SYNPO2L: variants seen among roughly 807,000 people sequenced by gnomAD.
SYNPO2L encodes the protein synaptopodin 2 like.
A neutral mutation model predicts 47.5 loss-of-function variants in SYNPO2L; 34 were observed. The observed-to-expected ratio is 0.72, with a 90% CI of 0.54 to 0.95. The LOEUF is 0.95. SYNPO2L is among the 40% of genes least tolerant of loss of function. The pLI, the probability that SYNPO2L is intolerant of heterozygous loss-of-function variation, is 0.00. For synonymous variants in SYNPO2L, 536 were observed against 524.9 expected (o/e 1.02, Z -0.29); for missense variants, 1,246 against 1,282.0 (o/e 0.97, Z 0.43).
intron 3 of SYNPO2L, 78 bp from the exon 4 acceptor site, chr10:73,648,957 C>G: frequency 7.1e-7 from 1 of 1,413,362 alleles, no homozygotes. Context: ...CTTTCACCCC[C>G]CATCCCAGCA....
Position 73,653,284 on chromosome 10 carries a change from G to A in SYNPO2L, c.627C>T (p.Ala209=). Residue 209 remains alanine (A), a synonymous_variant, in exon 3 of 4, where the codon GCC becomes GCT. Transcript: ENST00000394810. ...GAGCCTCAGCTGGGGGTGGCTGAAG[G>A]GCTGCCCCATCCTCCCAAGACGGGG... ...VSSPSWEDGA[A]LQPPPAEALL... 1.3e-6 allele frequency: 2 copies of A among 1,550,790 alleles called. No homozygotes were observed. The highest frequency in any genetic ancestry group is 2.4e-5 in the East Asian group (1 of 40,924).
chr10:73,652,570 A>G (rs1336994846), intron 3 of SYNPO2L, among the ~76,000 whole-genome samples: 1 of 152,074 alleles, frequency 6.6e-6, no homozygotes, highest in African/African-American at 2.4e-5. Flanking sequence ...CTCGGGAGGC[A>G]GAGGCTGGAG....
chr10:73,646,809 G>T lies in SYNPO2L; in HGVS notation c.2843C>A (p.Ser948Tyr). 6.5e-7 allele frequency: 1 copy of T among 1,539,332 alleles called. No homozygotes were observed. Among genetic ancestry groups the T allele is most frequent in the Non-Finnish European group, 8.7e-7 (1 of 1,145,966 alleles). The change falls in exon 4 of 4, where the codon TCC becomes TAC. Residue 948 changes from serine (S) to tyrosine (Y), a missense_variant. Ser to Tyr is a moderately radical substitution (Grantham distance 144, BLOSUM62 -2). Transcript: ENST00000394810. Reference protein sequence around the residue: ...APRGLGASPSSCGFQVARPRF... With the variant: ...APRGLGASPSYCGFQVARPRF... Reference sequence around the variant, plus strand: ...GGGCCTGGCTACCTGGAAACCGCAGGAGCTGGGAGAAGCCCCAAGGCCCCT... The same window carrying T: ...GGGCCTGGCTACCTGGAAACCGCAGTAGCTGGGAGAAGCCCCAAGGCCCCT...
chr10:73,653,418 G>A lies in SYNPO2L; in HGVS notation c.493C>T (p.Pro165Ser), dbSNP rs1340778950. 2 of 1,551,474 alleles carry A rather than the reference G, an allele frequency of 1.3e-6. No homozygotes were observed. Among genetic ancestry groups the A allele is most frequent in the East Asian group, 2.4e-5 (1 of 40,916 alleles). Residue 165 changes from proline to serine, a missense_variant, in exon 3 of 4, where the codon CCC becomes TCC. Around this residue, in one of 3 missense-constraint regions of SYNPO2L, gnomAD observed 148 missense variants for 204.8 expected, o/e 0.72. Coordinates refer to ENST00000394810, the MANE Select transcript of SYNPO2L (RefSeq NM_001114133.3). The part of the protein sequence containing the change: ...RRPRRRGPTR[P>S]TPPGAPPDEV... Reference sequence around the variant, plus strand: ...TCAGGTGGGGCACCCGGAGGGGTGGGCCTTGTGGGGCCTCGGCGGCGAGGT... The same window carrying A: ...TCAGGTGGGGCACCCGGAGGGGTGGACCTTGTGGGGCCTCGGCGGCGAGGT...
At position 73,655,914 on chromosome 10, in the gene SYNPO2L, A is replaced by G. The variant is rs1165872770; in HGVS notation, c.9T>C (p.Ala3=). 1 of 1,550,520 alleles carries G rather than the reference A, an allele frequency of 6.4e-7. No individual in the cohort carries two copies. The highest frequency in any genetic ancestry group is 8.7e-7 in the Non-Finnish European group (1 of 1,146,576). Residue 3 remains alanine (A), a synonymous_variant, in exon 1 of 4, where the codon GCT becomes GCC. Transcript: ENST00000394810. The stretch of plus-strand genomic sequence containing the variant: ...ATAGTGTGACCAGCACCTCCTCCTC[A>G]GCACCCATCGCTCAGCTTGGCCTAT... The part of the protein sequence containing the change: MG[A]EEEVLVTLSG...
At position 73,647,936 on chromosome 10, in the gene SYNPO2L, G is replaced by C. The variant is rs756482053; in HGVS notation, c.1716C>G (p.Ser572Arg). The C allele has an allele frequency of 2.0e-6, 3 of 1,530,480 alleles. No homozygotes were observed. Among genetic ancestry groups the C allele is most frequent in the Non-Finnish European group, 2.6e-6 (3 of 1,141,964 alleles). 94.8% of individuals were successfully genotyped at this position (1,530,480 alleles called of 1,614,324 possible). A position where few individuals can be genotyped will look rare whatever the true frequency, so the allele number is the denominator to read the frequency against. ...GGAPEPPAPP[S>R]AAAMTSTASI... ...AAGCGGTGGAGGTCATGGCAGCTGC[G>C]CTAGGAGGAGCGGGGGGCTCTGGAG... The change falls in exon 4 of 4, where the codon AGC (serine) becomes AGG (arginine). Residue 572 changes from serine to arginine, a missense_variant. By Grantham distance (110) the Ser-to-Arg change is moderately radical. Coordinates refer to ENST00000394810, the MANE Select transcript of SYNPO2L (RefSeq NM_001114133.3).
rs772295733 is a variant in SYNPO2L, at chr10:73,647,539, T to C, written c.2113A>G (p.Thr705Ala). The C allele has an allele frequency of 6.3e-7, 1 of 1,592,978 alleles. No homozygotes were observed. The highest frequency in any genetic ancestry group is 8.6e-7 in the Non-Finnish European group (1 of 1,167,622). Residue 705 changes from threonine to alanine, a missense_variant, in exon 4 of 4, where the codon ACC (threonine) becomes GCC (alanine). Around this residue, in one of 3 missense-constraint regions of SYNPO2L, gnomAD observed 1,037 missense variants for 1,021.5 expected, o/e 1.02. Transcript: ENST00000394810. ...GTCTTGGGAGCCATTGGAGGGGGGG[T>C]CTTAGGTGTCACGTGAGGCAGGGTC... is the stretch of plus-strand genomic sequence containing the variant. ...YKTLPHVTPKTPPPMAPKTPP... is the reference protein window; with the variant it reads ...YKTLPHVTPKAPPPMAPKTPP...
rs1213495062 is a variant in SYNPO2L at position 73,648,493 on chromosome 10, C to G, written c.1159G>C (p.Gly387Arg). The G allele has an allele frequency of 6.2e-7, 1 of 1,613,586 alleles. No individual in the cohort carries two copies. The highest frequency in any genetic ancestry group is 1.7e-5 in the Admixed American group (1 of 60,024). Residue 387 changes from glycine to arginine, a missense_variant, in exon 4 of 4, where the codon GGG becomes CGG. By Grantham distance (125) the Gly-to-Arg change is moderately radical (BLOSUM62 -2). Coordinates refer to ENST00000394810, the MANE Select transcript of SYNPO2L (RefSeq NM_001114133.3). ...GGQLSEVSGR[G>R]VQLFEQQRQR... ...CGCTGCTGTTCAAAGAGCTGCACCC[C>G]TCGCCCAGAGACCTCACTCAGCTGC...
At position 73,648,209 on chromosome 10, in the gene SYNPO2L, A is replaced by C. The variant is rs1466423417; in HGVS notation, c.1443T>G (p.Thr481=). 5 of 1,577,300 alleles carry C rather than the reference A, an allele frequency of 3.2e-6. No individual in the cohort carries two copies. The highest frequency in any genetic ancestry group is 4.3e-6 in the Non-Finnish European group (5 of 1,163,792). ...FTPGLQGQRP[T]TTSVIFRPLA... is the part of the protein sequence containing the mutation. ...AAGGCCGGAAAATAACCGAGGTGGTAGTTGGCCGCTGCCCTTGTAGGCCCG... is the reference window on the plus strand; with the variant it reads ...AAGGCCGGAAAATAACCGAGGTGGTCGTTGGCCGCTGCCCTTGTAGGCCCG... The change falls in exon 4 of 4, where the codon ACT becomes ACG. Residue 481 remains threonine (T), a synonymous_variant. Transcript: ENST00000394810.
At position 73,653,178 on chromosome 10, in the gene SYNPO2L, C is replaced by G; in HGVS notation, c.733G>C (p.Asp245His). 5 of 1,455,366 alleles carry G rather than the reference C, an allele frequency of 3.4e-6. No individual in the cohort carries two copies. The South Asian group carries it at 7.4e-5, about 22-fold the overall frequency. 90.2% of individuals were successfully genotyped at this position (1,455,366 alleles called of 1,614,324 possible). Residue 245 changes from aspartate to histidine, a missense_variant, in exon 3 of 4, where the codon GAT (aspartate) becomes CAT (histidine). Physicochemically the swap from Asp to His is moderately conservative, Grantham distance 81. Coordinates refer to ENST00000394810, the MANE Select transcript of SYNPO2L (RefSeq NM_001114133.3). Reference protein sequence around the residue: ...VGPVPHPVAEDLTTTYTQKAK... With the variant: ...VGPVPHPVAEHLTTTYTQKAK... ...TTCTGGGTGTAGGTGGTAGTAAGAT[C>G]TTCTGCCACTGGGTGGGGAACAGGC...
At position 73,655,505 on chromosome 10, in the gene SYNPO2L, C is replaced by G. The variant is rs974317390; in HGVS notation, c.105+313G>C. ...TGGAGTTTGGAGTAGAGGCACATAC[C>G]CAAGAGAACAAACACTGGATGACCA... On this transcript the variant is annotated intron_variant, in intron 1 of 3. Coordinates refer to ENST00000394810, the MANE Select transcript of SYNPO2L (RefSeq NM_001114133.3). Among the ~76,000 whole-genome samples, 8 of 152,066 alleles carry G rather than the reference C, an allele frequency of 5.3e-5. No homozygotes were observed. In the East Asian group the frequency reaches 1.2e-3, roughly 22 times the overall value.
In SYNPO2L at chr10:73,644,978, C is replaced by A; in HGVS notation, c.*1740G>T. 8.1e-7 allele frequency: 1 copy of A among 1,239,678 alleles called. No individual in the cohort carries two copies. The highest frequency in any genetic ancestry group is 1.4e-5 in the South Asian group (1 of 70,186). The allele number at this position is 1,239,678 out of a possible 1,614,324, so 76.8% of individuals were successfully genotyped here. A position where few individuals can be genotyped will look rare whatever the true frequency, so the allele number is the denominator to read the frequency against. ...AATTATCACTTTCCAGATTACACAG[C>A]AAACGTAGCTGGTGGTGGTCTTGGT... On this transcript the variant is annotated 3_prime_UTR_variant, in exon 4 of 4. Coordinates refer to ENST00000394810, the MANE Select transcript of SYNPO2L (RefSeq NM_001114133.3).
In SYNPO2L at chr10:73,647,384, GCCCTGC is replaced by G. The variant is rs746181467; in HGVS notation, c.2262_2267del (p.Gln755_Gly756del). 3 of 1,613,854 alleles carry G rather than the reference GCCCTGC, an allele frequency of 1.9e-6. No individual in the cohort carries two copies. In the Admixed American group the frequency reaches 5.0e-5, roughly 27 times the overall value. On this transcript the variant is annotated inframe_deletion, in exon 4 of 4. Coordinates refer to ENST00000394810, the MANE Select transcript of SYNPO2L (RefSeq NM_001114133.3). ...GCTTAGCAAACAGCTCCCCACCCCT[GCCCTGC>G]AGCCTTGGTGGCTCAGGGATTCCAG...
In SYNPO2L at chr10:73,645,004, G is replaced by A; in HGVS notation, c.*1714C>T. On this transcript the variant is annotated 3_prime_UTR_variant, in exon 4 of 4. Coordinates refer to ENST00000394810, the MANE Select transcript of SYNPO2L (RefSeq NM_001114133.3). ...AAACGTAGCTGGTGGTGGTCTTGGT[G>A]AGAAGGGAGTCCATACTAAGATTGG... 1 of 1,251,526 alleles carries A rather than the reference G, an allele frequency of 8.0e-7. No homozygotes were observed. Among genetic ancestry groups the A allele is most frequent in the Non-Finnish European group, 1.0e-6 (1 of 970,038 alleles). The allele number at this position is 1,251,526 out of a possible 1,614,324, so 77.5% of individuals were successfully genotyped here. A position where few individuals can be genotyped will look rare whatever the true frequency, so the allele number is the denominator to read the frequency against.
Position 73,648,643 on chromosome 10 carries a change from C to G in SYNPO2L, c.1009G>C (p.Glu337Gln). 1 of 1,613,598 alleles carries G rather than the reference C, an allele frequency of 6.2e-7. No individual in the cohort carries two copies. The highest frequency in any genetic ancestry group is 8.5e-7 in the Non-Finnish European group (1 of 1,179,516). Residue 337 changes from glutamate (E) to glutamine (Q), a missense_variant, in exon 4 of 4, where the codon GAA becomes CAA. This residue lies in a region of SYNPO2L where 1,037 missense variants were observed against 1,021.5 expected (regional missense o/e 1.02). Transcript: ENST00000394810. ...VPPTSESELD[E>Q]EAFSDARSLT... ...CTGCGGGCGTCAGAGAAGGCTTCTT[C>G]GTCCAGCTCGGACTCACTCGTGGGG...
Position 73,647,298 on chromosome 10 carries a change from C to A in SYNPO2L, c.2354G>T (p.Arg785Leu). 1 of 1,614,024 alleles carries A rather than the reference C, an allele frequency of 6.2e-7. No individual in the cohort carries two copies. The highest frequency in any genetic ancestry group is 8.5e-7 in the Non-Finnish European group (1 of 1,179,984). The change falls in exon 4 of 4, where the codon CGG becomes CTG. Residue 785 changes from arginine (R) to leucine (L), a missense_variant. By Grantham distance (102) the Arg-to-Leu change is moderately radical. Around this residue, in one of 3 missense-constraint regions of SYNPO2L, gnomAD observed 1,037 missense variants for 1,021.5 expected, o/e 1.02. Coordinates refer to ENST00000394810, the MANE Select transcript of SYNPO2L (RefSeq NM_001114133.3). ...EGTPGPGLGP[R>L]PRSPSPTPSL... Reference sequence around the variant, plus strand: ...CGGGGTAGGAGAAGGACTTCTAGGCCGAGGGCCAAGACCAGGACCAGGTGT... The same window carrying A: ...CGGGGTAGGAGAAGGACTTCTAGGCAGAGGGCCAAGACCAGGACCAGGTGT...
chr10:73,655,628 A>AC (rs2081872462), intron 1 of SYNPO2L, among the ~76,000 whole-genome samples, 190 bp downstream of exon 1: 1 of 151,292 alleles, frequency 6.6e-6, no homozygotes, highest in Non-Finnish European at 1.5e-5. Context: ...TTTCTAATAG[A>AC]CCCCCACAGG....
chr10:73,648,451 T>C lies in SYNPO2L; in HGVS notation c.1201A>G (p.Ser401Gly). 6.2e-7 allele frequency: 1 copy of C among 1,610,532 alleles called. No individual in the cohort carries two copies. Among genetic ancestry groups the C allele is most frequent in the Non-Finnish European group, 8.5e-7 (1 of 1,179,862 alleles). ...FEQQRQRADSSTQELARVEPA... is the reference protein window; with the variant it reads ...FEQQRQRADSGTQELARVEPA... ...TCGACCCGTGCCAGTTCCTGGGTGC[T>C]GGAGTCTGCGCGCTGGCGCTGCTGT... The change falls in exon 4 of 4, where the codon AGC becomes GGC. Residue 401 changes from serine (S) to glycine (G), a missense_variant. By Grantham distance (56) the Ser-to-Gly change is moderately conservative. Coordinates refer to ENST00000394810, the MANE Select transcript of SYNPO2L (RefSeq NM_001114133.3).
chr10:73,651,483 T>C (rs1315571654), intron 3 of SYNPO2L, among the ~76,000 whole-genome samples: 1 of 151,664 alleles, frequency 6.6e-6, no homozygotes, highest in South Asian at 2.1e-4. Context: ...GAAATATAAC[T>C]AGAGGGGGAA....
Sources: gnomAD v4.1 joint callset for allele counts (sites outside exome capture counted in the v4.1 genomes callset) on GRCh38, gnomAD v4.1.1 for gene constraint, gnomAD v4.1.1 regional missense constraint, MANE v1.5 for transcripts, NCBI Gene and HGNC (gene_info 2026-07-23, HGNC 2026-07-21) for gene names.